Variants in EYS observed in about 807,000 individuals in gnomAD.
The protein encoded by EYS is EGF-like photoreceptor maintenance factor.
A neutral mutation model predicts 282.1 loss-of-function variants in EYS; 250 were observed. That is an observed-to-expected ratio of 0.89 (90% CI 0.80 to 0.98). The LOEUF is 0.98. Among genes scored for constraint, EYS ranks in the 50% least tolerant of loss-of-function variants. EYS has a pLI of 0.00. For synonymous variants in EYS, 1,355 were observed against 1,282.9 expected, an observed-to-expected ratio of 1.06 and a Z score of -1.20; for missense variants, 4,016 against 3,709.0, an observed-to-expected ratio of 1.08 and a Z score of -2.15.
chr6:64,631,562 T>C (rs915748100), intron 22 of EYS: 6 of 152,170 alleles, frequency 3.9e-5, no homozygotes, highest in Non-Finnish European at 7.4e-5. Context: ...TTATTTTCCA[T>C]TATTTTCTTC....
intron 14 of EYS, among the ~76,000 whole-genome samples, chr6:64,962,846 A>G (rs1163441125): frequency 1.3e-5 from 2 of 152,190 alleles, no homozygotes; most frequent in African/African-American, 4.8e-5. Flanking sequence ...TAATTAAAAA[A>G]TGATTTAGGT....
At chr6:64,555,993 G>A (rs1266586022) in intron 26 of EYS, among the ~76,000 whole-genome samples, 1 of 151,960 alleles carries the variant, frequency 6.6e-6, no homozygotes, top group Admixed American at 6.6e-5. Flanking sequence ...AATAAAAAGT[G>A]CTGACAAGGA....
intron 19 of EYS, among the ~76,000 whole-genome samples, chr6:64,865,015 A>T (rs1766383056): frequency 6.6e-6 from 1 of 152,040 alleles, no homozygotes; most frequent in Non-Finnish European, 1.5e-5. Context: ...CTGGGCAACA[A>T]GAAGGAAATC....
intron 16 of EYS, among the ~76,000 whole-genome samples, chr6:64,907,092 G>T (rs942342105): frequency 5.9e-5 from 9 of 152,058 alleles, no homozygotes; most frequent in African/African-American, 2.2e-4. Context: ...CTGCTCTGTT[G>T]CCTAAGCTGA....
At chr6:64,063,154 G>A (rs3003687) in intron 33 of EYS, among the ~76,000 whole-genome samples, 16,929 of 151,944 alleles carry the variant, frequency 0.11, 1,871 homozygotes, top group African/African-American at 0.28. Context: ...TTTTTCTACT[G>A]TATACTCTCA....
chr6:64,817,623 T>C (rs76901165), intron 21 of EYS, among the ~76,000 whole-genome samples: 2,631 of 152,224 alleles, frequency 0.017, 75 homozygotes, highest in African/African-American at 0.06. Context: ...CCTCTTCTAG[T>C]CCACAGTGCC....
intron 40 of EYS, among the ~76,000 whole-genome samples, chr6:63,772,027 A>C (rs961852415): frequency 5.3e-5 from 8 of 152,144 alleles, no homozygotes; most frequent in African/African-American, 1.9e-4. Flanking sequence ...ACAATTCTCC[A>C]AGAAGTCTTG....
Position 63,873,302 on chromosome 6 carries a change from T to G in EYS, c.7056-8944A>C, listed in dbSNP as rs112966628. ...TTTGCTGAGAATGATGATTTCCAGC[T>G]TCATCCATGTCCCTACAAAGGACAT... On this transcript the variant is annotated intron_variant, in intron 35 of 42. Coordinates refer to ENST00000503581, the MANE Select transcript of EYS (RefSeq NM_001142800.2). Among the ~76,000 whole-genome samples the G allele has an allele frequency of 5.6e-3, 847 of 152,278 alleles. 5 individuals are homozygous for G. Among genetic ancestry groups the G allele is most frequent in the African/African-American group, 0.019 (786 of 41,528 alleles).
At chr6:64,340,550 C>T (rs569536451) in intron 29 of EYS, among the ~76,000 whole-genome samples, 1 of 151,928 alleles carries the variant, frequency 6.6e-6, no homozygotes, top group Admixed American at 6.6e-5. Flanking sequence ...CCTTACCTTT[C>T]ACTGTATACA....
At chr6:64,141,924 C>T (rs1259593996) in intron 31 of EYS, among the ~76,000 whole-genome samples, 1 of 152,112 alleles carries the variant, frequency 6.6e-6, no homozygotes, top group Non-Finnish European at 1.5e-5. Context: ...GCAAGTTTTC[C>T]CTTCATAATC....
intron 8 of EYS, among the ~76,000 whole-genome samples, chr6:65,373,476 T>G (rs1011886004): frequency 6.6e-6 from 1 of 152,016 alleles, no homozygotes; most frequent in Non-Finnish European, 1.5e-5. Flanking sequence ...TCTGTAACAC[T>G]CTGGGAGGTA....
At position 65,300,454 on chromosome 6, in the gene EYS, G is replaced by A. The variant is rs553409183; in HGVS notation, c.1767-4335C>T. 2.7e-4 allele frequency among the ~76,000 whole-genome samples: 41 copies of A among 152,052 alleles called. 2 individuals carry two copies. Among genetic ancestry groups the A allele is most frequent in the African/African-American group, 6.8e-4 (28 of 41,456 alleles). ...CTACCTTTTTCTTATTACTTTGAGG[G>A]CAGTAGTCTTAAGTTTTGGAGTTTT... On this transcript the variant is annotated intron_variant, in intron 11 of 42. Coordinates refer to ENST00000503581, the MANE Select transcript of EYS (RefSeq NM_001142800.2).
chr6:64,985,062 C>A (rs1054265802), intron 14 of EYS, among the ~76,000 whole-genome samples: 4 of 151,392 alleles, frequency 2.6e-5, no homozygotes, highest in Non-Finnish European at 5.9e-5. Flanking sequence ...TAATTAGCTC[C>A]TGTTTTATGA....
intron 15 of EYS, among the ~76,000 whole-genome samples, chr6:64,919,473 T>A (rs886924422): frequency 6.7e-6 from 1 of 148,928 alleles, no homozygotes; most frequent in African/African-American, 2.5e-5. Context: ...CTAAATGAAC[T>A]CAAGAATTTC....
chr6:64,626,247 T>C lies in EYS; in HGVS notation c.3444-2A>G. 6.6e-7 allele frequency: 1 copy of C among 1,518,984 alleles called. No individual in the cohort carries two copies. Among genetic ancestry groups the C allele is most frequent in the Non-Finnish European group, 8.8e-7 (1 of 1,137,110 alleles). The allele number at this position is 1,518,984 out of a possible 1,614,324, so 94.1% of individuals were successfully genotyped here. A position where few individuals can be genotyped will look rare whatever the true frequency, so the allele number is the denominator to read the frequency against. Reference sequence around the variant, plus strand: ...TGACCAGAAAATCCAGGAAGACATCTAAGGAAAAAAAATGAAAACGATATT... The same window carrying C: ...TGACCAGAAAATCCAGGAAGACATCCAAGGAAAAAAAATGAAAACGATATT... On this transcript the variant is annotated splice_acceptor_variant, in intron 22 of 42. Coordinates refer to ENST00000503581, the MANE Select transcript of EYS (RefSeq NM_001142800.2). LOFTEE classifies it high-confidence loss of function.
intron 30 of EYS, among the ~76,000 whole-genome samples, chr6:64,249,211 A>C (rs150876075): frequency 2.8e-4 from 43 of 152,288 alleles, no homozygotes; most frequent in African/African-American, 9.6e-4. Context: ...AAAGAAGAAT[A>C]AAATCATGTC....
intron 22 of EYS, among the ~76,000 whole-genome samples, chr6:64,674,811 C>T (rs1769596229): frequency 6.6e-6 from 1 of 151,766 alleles, no homozygotes; most frequent in African/African-American, 2.4e-5. Flanking sequence ...TATACTTACA[C>T]ATACATTTCT....
intron 22 of EYS, among the ~76,000 whole-genome samples, chr6:64,641,733 G>A (rs550956039): frequency 2.6e-5 from 4 of 152,294 alleles, no homozygotes; most frequent in African/African-American, 9.6e-5. Flanking sequence ...ACAGCAGGAG[G>A]TGAGCGGTGG....
chr6:63,863,637 C>CTT lies in EYS; in HGVS notation c.7228+547_7228+548dup, dbSNP rs200683473. ...TAACCTCAGGGAAAACTCATTACCA[C>CTT]TTTTTCTTTTCTTTTCTTTTCTTTT... is the stretch of plus-strand genomic sequence containing the variant. On this transcript the variant is annotated intron_variant, in intron 36 of 42. Transcript: ENST00000503581. 6.7e-3 allele frequency among the ~76,000 whole-genome samples: 885 copies of CTT among 132,758 alleles called. 13 individuals carry two copies. The highest frequency in any genetic ancestry group is 0.026 in the African/African-American group (851 of 33,184). 87.1% of individuals were successfully genotyped at this position (132,758 alleles called of 152,430 possible).
Sources: gnomAD v4.1 joint callset for allele counts (sites outside exome capture counted in the v4.1 genomes callset) on GRCh38, gnomAD v4.1.1 for gene constraint, MANE v1.5 for transcripts, NCBI Gene and HGNC (gene_info 2026-07-23, HGNC 2026-07-21) for gene names.